UPK1A: variants seen among roughly 807,000 people sequenced by gnomAD.
The protein encoded by UPK1A is uroplakin 1A, also known as uroplakin-1a.
A neutral mutation model predicts 32.3 loss-of-function variants in UPK1A; 31 were observed. That is an observed-to-expected ratio of 0.96 (90% CI 0.72 to 1.30). UPK1A has a LOEUF of 1.30. Ranked by LOEUF, UPK1A falls within the 50% of genes most tolerant of loss-of-function variation. The pLI, the probability that UPK1A is intolerant of heterozygous loss-of-function variation, is 0.00. For missense variants in UPK1A, 340 were observed against 357.4 expected, an observed-to-expected ratio of 0.95 and a Z score of 0.39; for synonymous variants, 135 against 137.1, an observed-to-expected ratio of 0.98 and a Z score of 0.11.
intron 5 of UPK1A, among the ~76,000 whole-genome samples, chr19:35,675,535 C>A (rs1047475091): frequency 6.6e-6 from 1 of 152,076 alleles, no homozygotes; most frequent in African/African-American, 2.4e-5. Flanking sequence ...TCCACCTCGG[C>A]CTCCCAGAGA....
chr19:35,666,874 T>C (rs1968006742), exon 2 of UPK1A: 4 of 1,613,962 alleles, frequency 2.5e-6, no homozygotes, highest in Middle Eastern at 1.6e-4. Context: ...GGCCTGCTAG[T>C]TGTGGGCAAT....
chr19:35,673,618 C>T, intron 5 of UPK1A, 73 bp downstream of exon 5: 1 of 1,384,546 alleles, frequency 7.2e-7, no homozygotes, highest in Non-Finnish European at 1.0e-6. Context: ...TCCCGATGTG[C>T]CAGCTTTTAG....
intron 7 of UPK1A, 32 bp from the exon 8 acceptor site, chr19:35,677,943 G>A (rs59994522): frequency 0.049 from 77,626 of 1,585,112 alleles, 2,202 homozygotes; most frequent in African/African-American, 0.11. Context: ...GGTGGGGGGC[G>A]GAGTGCCCTC....
In UPK1A at chr19:35,677,907, G is replaced by A. The variant is rs775061156; in HGVS notation, c.732+12G>A. ...TCCTGATGTGGACGGTGAGAGGCGGGGAGCCCACAGGCTGGGTGGGCTGGG... is the reference window on the plus strand; with the variant it reads ...TCCTGATGTGGACGGTGAGAGGCGGAGAGCCCACAGGCTGGGTGGGCTGGG... On this transcript the variant is annotated intron_variant, in intron 7 of 7. Coordinates refer to ENST00000617999, the Ensembl canonical transcript of UPK1A. 3 of 1,609,466 alleles carry A rather than the reference G, an allele frequency of 1.9e-6. No individual in the cohort carries two copies. In the African/African-American group the frequency reaches 4.0e-5, roughly 22 times the overall value.
chr19:35,672,534 T>C (rs1199649624), intron 3 of UPK1A, among the ~76,000 whole-genome samples: 15 of 151,716 alleles, frequency 9.9e-5, no homozygotes, highest in Admixed American at 9.9e-4. Flanking sequence ...TCCCAAAGTG[T>C]TGGGATTACA....
chr19:35,678,012 T>C (rs2285421), exon 8 of UPK1A: 827,781 of 1,590,374 alleles, frequency 0.52, 220,891 homozygotes, highest in African/African-American at 0.79. Context: ...TTCTACACCA[T>C]GCTCTGAGGG....
chr19:35,676,034 C>A lies in UPK1A; in HGVS notation c.648+15C>A, dbSNP rs774979106. On this transcript the variant is annotated intron_variant, in intron 6 of 7. Transcript: ENST00000617999. The stretch of plus-strand genomic sequence containing the variant: ...TGTTCACCAAGGTGTGGCCGTCTGC[C>A]CTGCTCCATCTGTCTATCCATCTGT... 2 of 1,606,882 alleles carry A rather than the reference C, an allele frequency of 1.2e-6. No homozygotes were observed. The highest frequency in any genetic ancestry group is 2.7e-5 in the African/African-American group (2 of 74,814).
At chr19:35,677,496 A>C (rs1244535558) in intron 6 of UPK1A, among the ~76,000 whole-genome samples, 2 of 151,714 alleles carry the variant, frequency 1.3e-5, no homozygotes, top group Non-Finnish European at 2.9e-5. Flanking sequence ...ACTGCACTGT[A>C]GCCTGGGTGA....
intron 5 of UPK1A, among the ~76,000 whole-genome samples, chr19:35,675,577 G>A (rs568669091): frequency 4.6e-5 from 7 of 152,154 alleles, no homozygotes; most frequent in East Asian, 3.9e-4. Flanking sequence ...CACCGTGCCC[G>A]GCAAAAATAT....
At chr19:35,674,442 T>A (rs1968152598) in intron 5 of UPK1A, among the ~76,000 whole-genome samples, 1 of 151,740 alleles carries the variant, frequency 6.6e-6, no homozygotes, top group Non-Finnish European at 1.5e-5. Context: ...GAGATGGGTG[T>A]TAGCCAGGAT....
intron 5 of UPK1A, among the ~76,000 whole-genome samples, chr19:35,673,800 T>C (rs973965995): frequency 2.2e-4 from 34 of 152,330 alleles, no homozygotes; most frequent in Non-Finnish European, 4.1e-4. Context: ...GCCTAGCTCC[T>C]GACCTCCCTG....
chr19:35,666,995 G>C lies in UPK1A; in HGVS notation c.84+99G>C. ...GGATGAGGGTCCAGAACTGTCTCTC[G>C]GGCAGACTCAGTGGTCAGCACAGCC... On this transcript the variant is annotated intron_variant, in intron 2 of 7. Coordinates refer to ENST00000617999, the Ensembl canonical transcript of UPK1A. 6 of 1,246,890 alleles carry C rather than the reference G, an allele frequency of 4.8e-6. No individual in the cohort carries two copies. In the Admixed American group the frequency reaches 7.4e-5, roughly 15 times the overall value. 77.2% of individuals were successfully genotyped at this position (1,246,890 alleles called of 1,614,324 possible). A position where few individuals can be genotyped will look rare whatever the true frequency, so the allele number is the denominator to read the frequency against.
intron 3 of UPK1A, among the ~76,000 whole-genome samples, chr19:35,669,497 T>C: frequency 8.6e-6 from 1 of 116,064 alleles, no homozygotes; most frequent in South Asian, 3.2e-4. Flanking sequence ...AAATCCCATC[T>C]CTAAAAAAAA....
chr19:35,675,938 G>C, exon 6 of UPK1A: 2 of 1,613,960 alleles, frequency 1.2e-6, no homozygotes, highest in Non-Finnish European at 1.7e-6. Flanking sequence ...GGCCCCCACT[G>C]TGCTGTCGCC....
At chr19:35,675,748 G>A (rs1968170824) in intron 5 of UPK1A, 92 bp from the exon 6 acceptor site, 8 of 1,459,212 alleles carry the variant, frequency 5.5e-6, no homozygotes, top group Admixed American at 2.4e-5. Context: ...CTGTGTCAAA[G>A]GCCAATCCTG....
intron 3 of UPK1A, among the ~76,000 whole-genome samples, chr19:35,670,328 C>A (rs1448571220): frequency 6.6e-6 from 1 of 152,070 alleles, no homozygotes; most frequent in Non-Finnish European, 1.5e-5. Context: ...TGGACTTTGG[C>A]TTTATCCTGA....
chr19:35,667,527 T>G (rs1394094951), intron 2 of UPK1A, among the ~76,000 whole-genome samples: 2 of 151,320 alleles, frequency 1.3e-5, no homozygotes, highest in Non-Finnish European at 2.9e-5. Flanking sequence ...AGATTCTCCC[T>G]TTGTCACCCA....
At chr19:35,667,445 G>T (rs558754313) in intron 2 of UPK1A, among the ~76,000 whole-genome samples, 2 of 151,990 alleles carry the variant, frequency 1.3e-5, no homozygotes, top group African/African-American at 4.8e-5. Flanking sequence ...TGATTCTCCT[G>T]CCTCAGCCTC....
At chr19:35,670,627 C>T (rs1193600253) in intron 3 of UPK1A, among the ~76,000 whole-genome samples, 1 of 139,440 alleles carries the variant, frequency 7.2e-6, no homozygotes, top group African/African-American at 2.7e-5. Context: ...TGGACTTTGG[C>T]TTTATCCTGG....
Sources: gnomAD v4.1 joint callset for allele counts (sites outside exome capture counted in the v4.1 genomes callset) on GRCh38, gnomAD v4.1.1 for gene constraint, MANE v1.5 for transcripts, NCBI Gene and HGNC (gene_info 2026-07-23, HGNC 2026-07-21) for gene names.